Variants in KHDRBS1 observed in about 807,000 individuals in gnomAD.
KHDRBS1 encodes KH RNA binding domain containing, signal transduction associated 1, also known as KH domain-containing, RNA-binding, signal transduction-associated protein 1.
KHDRBS1 carries 7 observed loss-of-function variants against 48.4 expected under a neutral mutation model. The ratio of observed to expected loss-of-function variants is 0.14; its 90% confidence interval spans 0.08 to 0.27. KHDRBS1 has a LOEUF of 0.27. Among genes scored for constraint, KHDRBS1 ranks in the 10% least tolerant of loss-of-function variants. The pLI, the probability that KHDRBS1 is intolerant of heterozygous loss-of-function variation, is 1.00. For missense variants in KHDRBS1, 458 were observed against 601.2 expected (o/e 0.76, Z 2.49); for synonymous variants, 241 against 235.8 (o/e 1.02, Z -0.20).
At chr1:32,058,249 A>G (rs563903146) in intron 10 of KHDRBS1, among the ~76,000 whole-genome samples, 1 of 152,152 alleles carries the variant, frequency 6.6e-6, no homozygotes, top group Non-Finnish European at 1.5e-5. Context: ...CACTGCACCC[A>G]GCTTATTTTT....
At chr1:32,033,390 T>G in intron 4 of KHDRBS1, 56 bp downstream of exon 4, 1 of 1,599,450 alleles carries the variant, frequency 6.3e-7, no homozygotes, top group Non-Finnish European at 8.6e-7. Context: ...GATCTTATAC[T>G]GTTGTGAAGG....
At chr1:32,047,731 A>T (rs1639373836), downstream of KHDRBS1, among the ~76,000 whole-genome samples, 5 of 152,314 alleles carry the variant, frequency 3.3e-5, no homozygotes, top group South Asian at 1.0e-3. Context: ...TAAAATTTAC[A>T]ATTTTAAAGT....
At chr1:32,036,875 T>TA (rs1557896179) in intron 4 of KHDRBS1, 35 bp from the exon 5 acceptor site, 1 of 1,589,374 alleles carries the variant, frequency 6.3e-7, no homozygotes, top group East Asian at 2.3e-5. Flanking sequence ...AAAGTGTAGA[T>TA]ACCACACAAT....
chr1:32,056,484 A>G (rs778721612), intron 10 of KHDRBS1, among the ~76,000 whole-genome samples: 1 of 152,140 alleles, frequency 6.6e-6, no homozygotes, highest in Non-Finnish European at 1.5e-5. Context: ...TCCCCTGTCA[A>G]CCTCTGGTGC....
intron 8 of KHDRBS1, 41 bp from the exon 9 acceptor site, chr1:32,042,486 G>A (rs1569813066): frequency 7.2e-7 from 1 of 1,384,282 alleles, no homozygotes. Flanking sequence ...CCTAAGTGCT[G>A]TCGCCACATG....
At chr1:32,036,829 T>A (rs3738002) in intron 4 of KHDRBS1, 81 bp from the exon 5 acceptor site, 116,343 of 1,448,560 alleles carry the variant, frequency 0.08, 6,617 homozygotes, top group South Asian at 0.23. Context: ...CTTCTTAGAA[T>A]TCAAGTCTCC....
chr1:32,019,369 G>A (rs1210116822), intron 1 of KHDRBS1, among the ~76,000 whole-genome samples: 4 of 152,062 alleles, frequency 2.6e-5, no homozygotes. Context: ...GACCAACATG[G>A]TGAAACCCTG....
chr1:32,053,208 C>T (rs1253387060), intron 10 of KHDRBS1, among the ~76,000 whole-genome samples: 2 of 152,078 alleles, frequency 1.3e-5, no homozygotes, highest in African/African-American at 2.4e-5. Flanking sequence ...AGTGTATCAT[C>T]ATGTTCTCTT....
At chr1:32,032,004 C>G (rs1024013118) in intron 3 of KHDRBS1, among the ~76,000 whole-genome samples, 6 of 152,102 alleles carry the variant, frequency 3.9e-5, no homozygotes, top group Non-Finnish European at 8.8e-5. Flanking sequence ...AGCACACCCC[C>G]TTTTTTGTAA....
intron 1 of KHDRBS1, among the ~76,000 whole-genome samples, chr1:32,020,073 C>T (rs997257507): frequency 1.3e-5 from 2 of 151,610 alleles, no homozygotes; most frequent in African/African-American, 2.4e-5. Flanking sequence ...CAGCCCAATG[C>T]AGGTTTTGTT....
chr1:32,029,413 T>C (rs1252519616), intron 1 of KHDRBS1, among the ~76,000 whole-genome samples: 2 of 152,188 alleles, frequency 1.3e-5, no homozygotes, highest in African/African-American at 2.4e-5. Flanking sequence ...ATCCCAGCAC[T>C]TTGGGAGGCT....
Position 32,043,570 on chromosome 1 carries a change from G to T in KHDRBS1, c.*946G>T, listed in dbSNP as rs1167499293. On this transcript the variant is annotated 3_prime_UTR_variant, in exon 9 of 9. Transcript: ENST00000327300. ...CTGCACTCCATGAAAAGTTCACTTGGACGCTGGGGCCAAAAGCTGTTGATT... is the reference window on the plus strand; with the variant it reads ...CTGCACTCCATGAAAAGTTCACTTGTACGCTGGGGCCAAAAGCTGTTGATT... 6.6e-6 allele frequency: 1 copy of T among 152,602 alleles called. No individual in the cohort carries two copies. Among genetic ancestry groups the T allele is most frequent in the African/African-American group, 2.4e-5 (1 of 41,440 alleles). The allele number at this position is 152,602 out of a possible 1,614,324, so 9.5% of individuals were successfully genotyped here.
Position 32,025,927 on chromosome 1 carries a change from A to ATT in KHDRBS1, c.383-4370_383-4369insTT, listed in dbSNP as rs1553222310. ...ACCCAGCTAATTTAAATATATATAT[A>ATT]TATTTATTTATTTATTTATTTATTT... On this transcript the variant is annotated intron_variant, in intron 1 of 8. Coordinates refer to ENST00000327300, the MANE Select transcript of KHDRBS1 (RefSeq NM_006559.3). Among the ~76,000 whole-genome samples, 747 of 146,530 alleles carry ATT rather than the reference A, an allele frequency of 5.1e-3. 14 individuals are homozygous for ATT. Among genetic ancestry groups the ATT allele is most frequent in the African/African-American group, 0.018 (716 of 38,962 alleles).
At chr1:32,034,645 G>T (rs770849748) in intron 4 of KHDRBS1, among the ~76,000 whole-genome samples, 4 of 151,908 alleles carry the variant, frequency 2.6e-5, no homozygotes, top group African/African-American at 9.7e-5. Context: ...AAATGTCTTA[G>T]CAGCTGCTTT....
chr1:32,025,449 C>T (rs139422944), intron 1 of KHDRBS1, among the ~76,000 whole-genome samples: 6 of 151,300 alleles, frequency 4.0e-5, no homozygotes, highest in East Asian at 4.0e-4. Context: ...TACAGGCACA[C>T]GCCACCATGC....
chr1:32,015,564 C>CA (rs1638724089), intron 1 of KHDRBS1, among the ~76,000 whole-genome samples: 1 of 152,142 alleles, frequency 6.6e-6, no homozygotes, highest in Non-Finnish European at 1.5e-5. Flanking sequence ...AGATAACTGT[C>CA]AAAAACTGTT....
intron 7 of KHDRBS1, among the ~76,000 whole-genome samples, chr1:32,039,030 T>G (rs536867175): frequency 2.0e-5 from 3 of 152,316 alleles, no homozygotes; most frequent in African/African-American, 4.8e-5. Flanking sequence ...TTTTAAAATA[T>G]CAAAACCACA....
At chr1:32,041,944 CAG>C (rs1364356976) in intron 8 of KHDRBS1, among the ~76,000 whole-genome samples, 4 of 152,152 alleles carry the variant, frequency 2.6e-5, no homozygotes, top group African/African-American at 9.7e-5. Context: ...ATCCCTCTAC[CAG>C]AGAGAGCAGT....
intron 1 of KHDRBS1, among the ~76,000 whole-genome samples, chr1:32,025,115 A>T (rs200502477): frequency 7.3e-4 from 110 of 150,512 alleles, no homozygotes; most frequent in African/African-American, 2.7e-3. Flanking sequence ...AAATAAAAAA[A>T]ATTAGCCAGG....
Sources: gnomAD v4.1 joint callset for allele counts (sites outside exome capture counted in the v4.1 genomes callset) on GRCh38, gnomAD v4.1.1 for gene constraint, MANE v1.5 for transcripts, NCBI Gene and HGNC (gene_info 2026-07-23, HGNC 2026-07-21) for gene names.